The following ETS1 variants were observed in gnomAD, a reference collection of about 807,000 sequenced individuals.
ETS1 encodes protein C-ets-1.
In ETS1, 15 loss-of-function variants were observed where a neutral mutation model predicts 58.6. That is an observed-to-expected ratio of 0.26 (90% CI 0.17 to 0.39). The LOEUF (loss-of-function observed/expected upper bound fraction) is 0.39, where lower values mean the gene tolerates loss of function less well. ETS1 is among the 10% of genes least tolerant of loss of function. The pLI is 1.00. For synonymous variants in ETS1, 214 were observed against 218.2 expected (o/e 0.98, Z 0.17); for missense variants, 417 against 610.5 (o/e 0.68, Z 3.34).
At chr11:128,543,852 C>G (rs1864091816) in intron 3 of ETS1, among the ~76,000 whole-genome samples, 1 of 152,174 alleles carries the variant, frequency 6.6e-6, no homozygotes, top group Non-Finnish European at 1.5e-5. Flanking sequence ...ATTTCAGAGT[C>G]ATATTTTCCC....
intron 2 of ETS1, among the ~76,000 whole-genome samples, chr11:128,568,745 G>A (rs117256638): frequency 0.011 from 1,659 of 152,276 alleles, 17 homozygotes; most frequent in Non-Finnish European, 0.018. Flanking sequence ...ATGGTTTCCA[G>A]GCATTCTTCC....
chr11:128,522,372 G>T, intron 3 of ETS1: 3 of 990,112 alleles, frequency 3.0e-6, no homozygotes, highest in Non-Finnish European at 3.6e-6. Flanking sequence ...GGCGTTTCTC[G>T]CGGCGCCGCG....
intron 3 of ETS1, among the ~76,000 whole-genome samples, chr11:128,506,959 T>C (rs1246241375): frequency 6.6e-6 from 1 of 152,098 alleles, no homozygotes; most frequent in Non-Finnish European, 1.5e-5. Flanking sequence ...ATACAAAAGA[T>C]TCTCAAGGGG....
intron 7 of ETS1, among the ~76,000 whole-genome samples, chr11:128,480,844 A>G (rs1398765879): frequency 2.0e-5 from 3 of 152,202 alleles, no homozygotes; most frequent in Non-Finnish European, 4.4e-5. Flanking sequence ...GAATAAATGA[A>G]GAAATCAGAG....
At chr11:128,535,867 GT>G in intron 3 of ETS1, among the ~76,000 whole-genome samples, 1 of 152,316 alleles carries the variant, frequency 6.6e-6, no homozygotes, top group Middle Eastern at 3.4e-3. Context: ...TGATCTTGTA[GT>G]TAATCAGTAA....
intron 2 of ETS1, among the ~76,000 whole-genome samples, chr11:128,557,383 G>T (rs189733920): frequency 6.6e-6 from 1 of 152,128 alleles, no homozygotes; most frequent in Non-Finnish European, 1.5e-5. Context: ...GAAGTAGGAC[G>T]ATTGAATGAA....
intron 3 of ETS1, chr11:128,522,071 T>C: frequency 7.0e-7 from 1 of 1,419,048 alleles, no homozygotes; most frequent in Non-Finnish European, 9.3e-7. Context: ...TGAGGATTAG[T>C]AACAGGGGGA....
At chr11:128,497,268 G>C (rs1862969111) in intron 3 of ETS1, among the ~76,000 whole-genome samples, 1 of 152,176 alleles carries the variant, frequency 6.6e-6, no homozygotes. Context: ...ACAGTCACTA[G>C]GGAAAGCACG....
chr11:128,465,027 C>G (rs1861997491), intron 8 of ETS1, among the ~76,000 whole-genome samples: 1 of 152,056 alleles, frequency 6.6e-6, no homozygotes, highest in Non-Finnish European at 1.5e-5. Context: ...GGGTCTAGTA[C>G]CCAGGCCTTT....
At chr11:128,516,079 T>C (rs1863516061) in intron 3 of ETS1, among the ~76,000 whole-genome samples, 1 of 152,230 alleles carries the variant, frequency 6.6e-6, no homozygotes, top group Admixed American at 6.5e-5. Context: ...GACCTATGTC[T>C]TTCTGTATCT....
At chr11:128,586,877 C>G (rs1010105779) in intron 1 of ETS1, among the ~76,000 whole-genome samples, 11 of 152,150 alleles carry the variant, frequency 7.2e-5, no homozygotes, top group Non-Finnish European at 1.5e-4. Context: ...AAATACCTCC[C>G]TAACTCTGAG....
At chr11:128,569,554 G>T (rs1354743567) in intron 2 of ETS1, among the ~76,000 whole-genome samples, 1 of 151,622 alleles carries the variant, frequency 6.6e-6, no homozygotes, top group African/African-American at 2.4e-5. Flanking sequence ...TGAATGTGAG[G>T]TTTGTTTGCT....
intron 3 of ETS1, among the ~76,000 whole-genome samples, chr11:128,548,303 G>A (rs577153338): frequency 3.0e-4 from 45 of 152,018 alleles, no homozygotes; most frequent in African/African-American, 1.0e-3. Flanking sequence ...GCCATGCCTG[G>A]TGCTTTGCCA....
intron 5 of ETS1, 71 bp downstream of exon 5, chr11:128,489,219 G>T: frequency 1.5e-6 from 2 of 1,334,942 alleles, no homozygotes; most frequent in Non-Finnish European, 1.1e-6. Flanking sequence ...TCCCACCATT[G>T]GGTGAGCCCC....
intron 3 of ETS1, among the ~76,000 whole-genome samples, chr11:128,504,787 G>A (rs1863186378): frequency 6.6e-6 from 1 of 151,984 alleles, no homozygotes; most frequent in South Asian, 2.1e-4. Flanking sequence ...TCAAGTCCTG[G>A]TTCATCATTC....
chr11:128,492,939 T>C (rs1037536513), intron 3 of ETS1, among the ~76,000 whole-genome samples: 1 of 152,166 alleles, frequency 6.6e-6, no homozygotes, highest in African/African-American at 2.4e-5. Flanking sequence ...TTTTCCAAAT[T>C]TGAAGCAACT....
chr11:128,559,588 G>A (rs1009888103), intron 2 of ETS1, among the ~76,000 whole-genome samples: 1 of 152,126 alleles, frequency 6.6e-6, no homozygotes, highest in Admixed American at 6.5e-5. Flanking sequence ...AGAATGAGAA[G>A]GCAATAATGT....
At chr11:128,525,540 C>T in intron 3 of ETS1, among the ~76,000 whole-genome samples, 1 of 139,418 alleles carries the variant, frequency 7.2e-6, no homozygotes, top group East Asian at 2.3e-4. Context: ...GGTACAAAAA[C>T]ATTCAGACCA....
At chr11:128,561,734 G>C (rs183331829) in intron 2 of ETS1, among the ~76,000 whole-genome samples, 4 of 152,310 alleles carry the variant, frequency 2.6e-5, no homozygotes, top group Admixed American at 2.0e-4. Context: ...GTGAATCTAC[G>C]GGACGGACAT....
Sources: allele counts gnomAD v4.1 joint callset (sites outside exome capture counted in the v4.1 genomes callset), GRCh38; gene constraint gnomAD v4.1.1; transcripts MANE v1.5; gene names NCBI Gene and HGNC (gene_info 2026-07-23, HGNC 2026-07-21).